The following CCDC32 variants were observed in gnomAD, a reference collection of about 807,000 sequenced individuals.
CCDC32 encodes the protein coiled-coil domain-containing protein 32.
Under a neutral mutation model 20.1 loss-of-function variants are expected in CCDC32, and 9 were observed. That is an observed-to-expected ratio of 0.45 (90% confidence interval 0.27 to 0.78). The LOEUF is 0.78. CCDC32 is among the 30% of genes least tolerant of loss of function. CCDC32 has a pLI of 0.16. For synonymous variants in CCDC32, 63 were observed against 79.0 expected (o/e 0.80, Z 1.07); for missense variants, 204 against 215.5 (o/e 0.95, Z 0.33).
downstream of CCDC32, among the ~76,000 whole-genome samples, chr15:40,532,547 G>C (rs1349617728): frequency 2.0e-5 from 3 of 151,926 alleles, no homozygotes; most frequent in African/African-American, 7.2e-5. Flanking sequence ...CCTTATTTTT[G>C]CATAGATCTT....
In CCDC32 at chr15:40,540,486, G is replaced by A. The variant is rs187190797; in HGVS notation, c.402-1131C>T. On this transcript the variant is annotated intron_variant, in intron 3 of 3. Coordinates refer to the CCDC32 transcript ENST00000558113. ...GGGTTCAAGCTATTCTCCTTCTTCA[G>A]CCTCCCGAGTAGCTGGGATTACAGG... Among the ~76,000 whole-genome samples the A allele has an allele frequency of 2.7e-5, 4 of 150,708 alleles. No individual in the cohort carries two copies. In the Admixed American group the frequency reaches 2.7e-4, roughly 10 times the overall value.
chr15:40,536,940 C>T (rs1366408048), downstream of CCDC32: 1 of 152,222 alleles, frequency 6.6e-6, no homozygotes, highest in Non-Finnish European at 1.5e-5. Context: ...TTGAACTGAA[C>T]CTTGAAGTAG....
intron 3 of CCDC32, among the ~76,000 whole-genome samples, chr15:40,556,318 C>T (rs922573650): frequency 1.3e-5 from 2 of 152,214 alleles, no homozygotes; most frequent in Non-Finnish European, 2.9e-5. Context: ...GTCACTTCTA[C>T]TCAACTGGCC....
intron 3 of CCDC32, among the ~76,000 whole-genome samples, chr15:40,545,635 C>G (rs1180534413): frequency 6.6e-6 from 1 of 152,170 alleles, no homozygotes; most frequent in Non-Finnish European, 1.5e-5. Context: ...AGGCCCACTA[C>G]TGTTCCACTT....
At chr15:40,551,046 T>G (rs1319413738), downstream of CCDC32, among the ~76,000 whole-genome samples, 1 of 152,180 alleles carries the variant, frequency 6.6e-6, no homozygotes, top group African/African-American at 2.4e-5. Context: ...GTTGTTTGTT[T>G]ATCATGCAGG....
chr15:40,539,880 A>ACACACACACACACC (rs769226221), intron 3 of CCDC32, among the ~76,000 whole-genome samples: 57 of 139,134 alleles, frequency 4.1e-4, no homozygotes, highest in Admixed American at 1.5e-3. Flanking sequence ...ACACACACAC[A>ACACACACACACACC]CCCCGCTCCT....
intron 3 of CCDC32, among the ~76,000 whole-genome samples, chr15:40,556,114 C>A (rs981325432): frequency 4.6e-5 from 7 of 152,238 alleles, no homozygotes; most frequent in African/African-American, 1.7e-4. Context: ...CAAGAACATA[C>A]AACCAGTAAG....
intron 2 of CCDC32, among the ~76,000 whole-genome samples, chr15:40,562,447 C>T (rs1266414484): frequency 6.6e-6 from 1 of 151,860 alleles, no homozygotes; most frequent in Non-Finnish European, 1.5e-5. Flanking sequence ...GGGCATTGTG[C>T]CAGGCGCCTG....
At chr15:40,548,758 C>A (rs976416708), downstream of CCDC32, among the ~76,000 whole-genome samples, 2 of 152,064 alleles carry the variant, frequency 1.3e-5, no homozygotes, top group African/African-American at 4.8e-5. Flanking sequence ...AGAGAGACCC[C>A]AGGTGGAGTG....
intron 2 of CCDC32, among the ~76,000 whole-genome samples, chr15:40,561,303 T>C (rs1890608683): frequency 6.6e-6 from 1 of 151,918 alleles, no homozygotes; most frequent in Non-Finnish European, 1.5e-5. Flanking sequence ...TGAAACTCTC[T>C]ATCTACTGAA....
At position 40,563,256 on chromosome 15, in the gene CCDC32, C is replaced by T. The variant is rs994086227; in HGVS notation, c.-12-229G>A. ...CACATGCCTGTAGTCCCAGCTACTC[C>T]GGAGGCTGAGGTAGGAGGATCACCT... is the stretch of plus-strand genomic sequence containing the variant. On this transcript the variant is annotated intron_variant, in intron 1 of 3. Transcript: ENST00000416810. 5.9e-5 allele frequency among the ~76,000 whole-genome samples: 9 copies of T among 151,970 alleles called. 1 individual carries two copies. Among genetic ancestry groups the T allele is most frequent in the African/African-American group, 9.7e-5 (4 of 41,374 alleles).
At chr15:40,540,394 G>A (rs1408905284) in intron 3 of CCDC32, among the ~76,000 whole-genome samples, 4 of 145,268 alleles carry the variant, frequency 2.8e-5, no homozygotes, top group African/African-American at 7.7e-5. Context: ...TTGAGGTGGC[G>A]TCTCGCTCTG....
chr15:40,532,679 ATAATT>A (rs1888925392), downstream of CCDC32, among the ~76,000 whole-genome samples: 1 of 142,686 alleles, frequency 7.0e-6, no homozygotes, highest in African/African-American at 2.6e-5. Flanking sequence ...TTAATGATTT[ATAATT>A]TAATTGTTTT....
chr15:40,557,729 T>C (rs1436233969), intron 2 of CCDC32: 2 of 159,514 alleles, frequency 1.3e-5, no homozygotes, highest in African/African-American at 2.4e-5. Context: ...ACTACTGTCT[T>C]TTTTCAACTC....
At chr15:40,564,328 A>G (rs76624001) in intron 1 of CCDC32, among the ~76,000 whole-genome samples, 2,063 of 152,308 alleles carry the variant, frequency 0.014, 49 homozygotes, top group African/African-American at 0.047. Flanking sequence ...TTTACAGATG[A>G]AAAAACAAGT....
intron 3 of CCDC32, chr15:40,528,806 GAAGAA>G (rs1284162214): frequency 1.0e-5 from 7 of 698,090 alleles, no homozygotes; most frequent in Non-Finnish European, 1.6e-5. Flanking sequence ...AAAAAAAAGA[GAAGAA>G]AAGAAAAGTA....
chr15:40,532,569 A>G (rs1566978110), downstream of CCDC32, among the ~76,000 whole-genome samples: 1 of 152,066 alleles, frequency 6.6e-6, no homozygotes, highest in Non-Finnish European at 1.5e-5. Context: ...AATTATTTTT[A>G]CCCAGTTGTA....
At chr15:40,538,000 A>T (rs572853266), downstream of CCDC32, 1 of 152,334 alleles carries the variant, frequency 6.6e-6, no homozygotes, top group African/African-American at 2.4e-5. Context: ...AAATATATGT[A>T]ATCAGCACTC....
downstream of CCDC32, chr15:40,532,132 T>C (rs1435937532): frequency 1.1e-5 from 6 of 539,388 alleles, no homozygotes; most frequent in Middle Eastern, 5.4e-4. Flanking sequence ...TGTTCACTTT[T>C]TTCTTCTCTA....
Sources: gnomAD v4.1 joint callset for allele counts (sites outside exome capture counted in the v4.1 genomes callset) on GRCh38, gnomAD v4.1.1 for gene constraint, MANE v1.5 for transcripts, NCBI Gene and HGNC (gene_info 2026-07-23, HGNC 2026-07-21) for gene names.